The following TMEM131 variants were observed in gnomAD, a reference collection of about 807,000 sequenced individuals.
TMEM131 encodes the protein transmembrane protein 131, also known as 2610524E03Rik.
Under a neutral mutation model 211.6 loss-of-function variants are expected in TMEM131, and 66 were observed. The ratio of observed to expected loss-of-function variants is 0.31; its 90% CI spans 0.26 to 0.38. The LOEUF (loss-of-function observed/expected upper bound fraction) is 0.38. TMEM131 is among the 10% of genes least tolerant of loss of function. The probability of loss-of-function intolerance (pLI) is 1.00; values close to 1 mark genes in which losing one functional copy is unlikely to be tolerated. For synonymous variants in TMEM131, 844 were observed against 841.3 expected (o/e 1.00, Z -0.06); for missense variants, 2,036 against 2,299.3 (o/e 0.89, Z 2.34).
chr2:97,794,983 T>C lies in TMEM131; in HGVS notation c.3333A>G (p.Leu1111=). Reference sequence around the variant, plus strand: ...GAGCCAGTTCCCAGTTAGGTCTGGGTAGGGCTTCTGCACAGGTTGCTAACA... The same window carrying C: ...GAGCCAGTTCCCAGTTAGGTCTGGGCAGGGCTTCTGCACAGGTTGCTAACA... ...YHMLATCAEA[L]PRPNWELALY... is the part of the protein sequence containing the mutation. Residue 1111 remains leucine (L), a synonymous_variant, in exon 29 of 41, where the codon CTA becomes CTG. Transcript: ENST00000186436. The C allele has an allele frequency of 1.9e-6, 3 of 1,611,404 alleles. No homozygotes were observed. Among genetic ancestry groups the C allele is most frequent in the Non-Finnish European group, 2.5e-6 (3 of 1,178,492 alleles).
chr2:97,914,261 T>C (rs926102986), intron 2 of TMEM131, among the ~76,000 whole-genome samples: 5 of 152,202 alleles, frequency 3.3e-5, no homozygotes, highest in Admixed American at 6.5e-5. Context: ...TTGCAAGAAA[T>C]AGTAAAAAGA....
intron 4 of TMEM131, among the ~76,000 whole-genome samples, chr2:97,861,158 A>T (rs1674052380): frequency 6.6e-6 from 1 of 152,112 alleles, no homozygotes; most frequent in African/African-American, 2.4e-5. Context: ...CTCAGGCTAA[A>T]GTGTTCTGGG....
chr2:97,920,298 T>A (rs1490790461), intron 2 of TMEM131, among the ~76,000 whole-genome samples: 2 of 151,412 alleles, frequency 1.3e-5, no homozygotes, highest in African/African-American at 4.9e-5. Flanking sequence ...CTATCTTGGG[T>A]GGGGGTGGCA....
chr2:97,899,186 G>T (rs1163155027), intron 3 of TMEM131, among the ~76,000 whole-genome samples: 1 of 151,952 alleles, frequency 6.6e-6, no homozygotes, highest in Non-Finnish European at 1.5e-5. Flanking sequence ...CTGTCCTAAA[G>T]TCTACTTTGT....
At chr2:97,962,139 T>C (rs182501415) in intron 1 of TMEM131, among the ~76,000 whole-genome samples, 14 of 152,264 alleles carry the variant, frequency 9.2e-5, no homozygotes, top group Non-Finnish European at 1.9e-4. Context: ...CACAGACCTG[T>C]AAATGAAAAA....
At chr2:97,959,751 T>C (rs543291811) in intron 1 of TMEM131, among the ~76,000 whole-genome samples, 14 of 152,316 alleles carry the variant, frequency 9.2e-5, no homozygotes, top group African/African-American at 3.4e-4. Flanking sequence ...ATACAGTCGG[T>C]ATTTAAGTTT....
intron 4 of TMEM131, among the ~76,000 whole-genome samples, chr2:97,868,051 T>C (rs114713134): frequency 3.3e-5 from 5 of 152,312 alleles, no homozygotes; most frequent in South Asian, 2.1e-4. Flanking sequence ...TAAAATCCCA[T>C]GCCCTAAGGG....
At chr2:97,846,719 C>T (rs1683453729) in intron 5 of TMEM131, among the ~76,000 whole-genome samples, 1 of 151,886 alleles carries the variant, frequency 6.6e-6, no homozygotes, top group Admixed American at 6.6e-5. Flanking sequence ...TATGTGTGGC[C>T]CAAGACAATT....
At position 97,819,785 on chromosome 2, in the gene TMEM131, G is replaced by A. The variant is rs554284802; in HGVS notation, c.1075-1064C>T. On this transcript the variant is annotated intron_variant, in intron 11 of 40. Coordinates refer to ENST00000186436, the MANE Select transcript of TMEM131 (RefSeq NM_015348.2). The stretch of plus-strand genomic sequence containing the variant: ...TGTCCTTTTCTGTGAGACTTATCAG[G>A]CAAGCCCCTTAACAGGAGCACAGTC... Among the ~76,000 whole-genome samples, 9 of 152,272 alleles carry A rather than the reference G, an allele frequency of 5.9e-5. No homozygotes were observed. The East Asian group carries it at 1.5e-3, about 26-fold the overall frequency.
At chr2:97,946,794 T>C (rs1033426079) in intron 1 of TMEM131, among the ~76,000 whole-genome samples, 2 of 151,952 alleles carry the variant, frequency 1.3e-5, no homozygotes, top group Admixed American at 1.3e-4. Flanking sequence ...ACAGACCAAT[T>C]TCACATCTTA....
intron 31 of TMEM131, among the ~76,000 whole-genome samples, chr2:97,782,098 T>C (rs1019347541): frequency 9.2e-5 from 14 of 152,256 alleles, no homozygotes; most frequent in Admixed American, 6.5e-5. Context: ...ACGCCCTTCC[T>C]GGCCAGGCAC....
At chr2:97,776,199 G>T (rs527695551) in intron 31 of TMEM131, among the ~76,000 whole-genome samples, 181 bp from the exon 32 acceptor site, 82 of 152,006 alleles carry the variant, frequency 5.4e-4, no homozygotes, top group African/African-American at 1.9e-3. Flanking sequence ...GACTACAGGC[G>T]CCCGCCACCA....
intron 31 of TMEM131, among the ~76,000 whole-genome samples, chr2:97,784,582 G>A (rs1680163568): frequency 1.3e-5 from 2 of 152,010 alleles, no homozygotes; most frequent in African/African-American, 4.8e-5. Context: ...ATCAAAATTT[G>A]TGGGACATCA....
At chr2:97,907,635 T>C (rs967352514) in intron 3 of TMEM131, among the ~76,000 whole-genome samples, 4 of 152,228 alleles carry the variant, frequency 2.6e-5, no homozygotes, top group Admixed American at 1.3e-4. Flanking sequence ...AAGTGTCTGA[T>C]TTCAGTGGAT....
At chr2:97,898,461 A>G (rs1186579470) in intron 3 of TMEM131, among the ~76,000 whole-genome samples, 1 of 152,180 alleles carries the variant, frequency 6.6e-6, no homozygotes, top group Non-Finnish European at 1.5e-5. Context: ...AAATGAGGTT[A>G]TAATGGTGGG....
At chr2:97,871,856 C>G (rs115723570) in intron 4 of TMEM131, among the ~76,000 whole-genome samples, 2,811 of 151,802 alleles carry the variant, frequency 0.019, 27 homozygotes, top group Middle Eastern at 0.065. Flanking sequence ...GTCTGTATAG[C>G]AGGCAGGAAG....
In TMEM131 at chr2:97,817,174, A is replaced by T. The variant is rs1418383347; in HGVS notation, c.1183+1439T>A. On this transcript the variant is annotated intron_variant, in intron 12 of 40. Coordinates refer to ENST00000186436, the MANE Select transcript of TMEM131 (RefSeq NM_015348.2). ...CATTTATCTCAAGAAGGGAAAGATT[A>T]AGTGGGTGGTCAATACAGGAGCTAG... 2.0e-5 allele frequency among the ~76,000 whole-genome samples: 3 copies of T among 152,216 alleles called. No homozygotes were observed. The East Asian group carries it at 5.8e-4, about 29-fold the overall frequency.
chr2:97,806,914 G>A (rs1681331049), intron 19 of TMEM131, among the ~76,000 whole-genome samples: 1 of 152,128 alleles, frequency 6.6e-6, no homozygotes, highest in South Asian at 2.1e-4. Context: ...CCAGCAGAGG[G>A]CGGGCATGCA....
At chr2:97,814,183 C>G in intron 14 of TMEM131, 42 bp from the exon 15 acceptor site, 1 of 1,612,094 alleles carries the variant, frequency 6.2e-7, no homozygotes, top group Non-Finnish European at 8.5e-7. Context: ...GTGTCAGCAT[C>G]ACCTAGTTGG....
Sources: gnomAD v4.1 joint callset for allele counts (sites outside exome capture counted in the v4.1 genomes callset) on GRCh38, gnomAD v4.1.1 for gene constraint, MANE v1.5 for transcripts, NCBI Gene and HGNC (gene_info 2026-07-23, HGNC 2026-07-21) for gene names.